The following TAF5L variants were observed in gnomAD, a reference collection of about 807,000 sequenced individuals.
TAF5L encodes the protein TAF5-like RNA polymerase II p300/CBP-associated factor-associated factor 65 kDa subunit 5L.
In TAF5L, 7 loss-of-function variants were observed where a neutral mutation model predicts 51.3. The ratio of observed to expected loss-of-function variants is 0.14; its 90% CI spans 0.08 to 0.26. The LOEUF (loss-of-function observed/expected upper bound fraction) is 0.26. TAF5L is among the 10% of genes least tolerant of loss of function. The probability of loss-of-function intolerance (pLI) is 1.00; values close to 1 mark genes in which losing one functional copy is unlikely to be tolerated. For synonymous variants in TAF5L, 291 were observed against 308.1 expected, an observed-to-expected ratio of 0.94 and a Z score of 0.58; for missense variants, 575 against 758.9, an observed-to-expected ratio of 0.76 and a Z score of 2.85.
chr1:229,625,476 C>T lies in TAF5L; in HGVS notation c.-4+409G>A, dbSNP rs891644485. On this transcript the variant is annotated intron_variant, in intron 1 of 4. Transcript: ENST00000258281. This position sits in a 1 kb window ranked among gnomAD's most constrained non-coding sequence, Gnocchi z 4.0. ...CTTCGCCGCAAAGACATTTCCTTTT[C>T]CCCTACATGCAAAGGAGCTGTGGAG... 2.0e-5 allele frequency among the ~76,000 whole-genome samples: 3 copies of T among 152,202 alleles called. No individual in the cohort carries two copies. The highest frequency in any genetic ancestry group is 4.4e-5 in the Non-Finnish European group (3 of 68,036).
At chr1:229,613,307 G>T (rs1473360344) in intron 2 of TAF5L, among the ~76,000 whole-genome samples, 1 of 145,456 alleles carries the variant, frequency 6.9e-6, no homozygotes, top group Non-Finnish European at 1.5e-5. Flanking sequence ...TCCAGTCTGG[G>T]TGATGGAGAG....
chr1:229,616,015 T>C (rs1664987524), intron 1 of TAF5L, among the ~76,000 whole-genome samples: 1 of 152,108 alleles, frequency 6.6e-6, no homozygotes, highest in Non-Finnish European at 1.5e-5. Context: ...CATTCTTTCA[T>C]TTTGTTTTAT....
intron 1 of TAF5L, among the ~76,000 whole-genome samples, chr1:229,618,955 C>T (rs996574037): frequency 4.6e-5 from 7 of 152,214 alleles, no homozygotes; most frequent in African/African-American, 9.7e-5. Context: ...CAGGCAAACT[C>T]ACTACACAAT....
intron 2 of TAF5L, 146 bp from the exon 3 acceptor site, chr1:229,610,356 T>C (rs1664743227): frequency 1.0e-5 from 7 of 687,696 alleles, no homozygotes; most frequent in South Asian, 7.4e-5. Flanking sequence ...TGCTGGGTCC[T>C]GGTTAAACAT....
At chr1:229,611,552 C>G (rs147389814) in intron 2 of TAF5L, among the ~76,000 whole-genome samples, 17 of 152,266 alleles carry the variant, frequency 1.1e-4, no homozygotes, top group African/African-American at 4.1e-4. Context: ...AAGAGAGGAC[C>G]TGCTGCAAGC....
At chr1:229,600,758 C>T (rs2102742274) in intron 4 of TAF5L, 4 of 985,402 alleles carry the variant, frequency 4.1e-6, no homozygotes, top group Non-Finnish European at 4.8e-6. Flanking sequence ...ATAGGACAAG[C>T]CACAGAGCTA....
rs564942099 is a variant in TAF5L at position 229,622,820 on chromosome 1, G to A, written c.-4+3065C>T. Among the ~76,000 whole-genome samples, 6 of 152,178 alleles carry A rather than the reference G, an allele frequency of 3.9e-5. No homozygotes were observed. In the South Asian group the frequency reaches 1.2e-3, roughly 32 times the overall value. Reference sequence around the variant, plus strand: ...TGTAGAGACGGAGTCTCACTACGCTGCCCAGGTTGATCTCAAACTCCTGTG... The same window carrying A: ...TGTAGAGACGGAGTCTCACTACGCTACCCAGGTTGATCTCAAACTCCTGTG... On this transcript the variant is annotated intron_variant, in intron 1 of 4. Coordinates refer to ENST00000258281, the Ensembl canonical transcript of TAF5L.
intron 4 of TAF5L, 48 bp from the exon 5 acceptor site, chr1:229,595,142 T>G: frequency 6.6e-7 from 1 of 1,522,544 alleles, no homozygotes; most frequent in Non-Finnish European, 8.8e-7. Context: ...ACAAAAAATG[T>G]TCAGTGGTCT....
intron 1 of TAF5L, among the ~76,000 whole-genome samples, chr1:229,619,210 TAA>T (rs1665117681): frequency 6.6e-6 from 1 of 152,214 alleles, no homozygotes; most frequent in African/African-American, 2.4e-5. Context: ...ATCATCATGA[TAA>T]AGTGTATTCA....
At position 229,602,387 on chromosome 1, in the gene TAF5L, G is replaced by A. The variant is rs537102179; in HGVS notation, c.780C>T (p.Cys260=). 6.2e-7 allele frequency: 1 copy of A among 1,614,172 alleles called. No homozygotes were observed. The highest frequency in any genetic ancestry group is 1.3e-5 in the African/African-American group (1 of 75,036). Residue 260 remains cysteine (C), a synonymous_variant, in exon 4 of 5, where the codon TGC becomes TGT. Transcript: ENST00000258281. This position sits in a 1 kb window ranked among gnomAD's most constrained non-coding sequence, Gnocchi z 4.6. ...GCTCTGTGTTATAGAAGGCATAGAA[G>A]CAGATGGTAGTGAGGGAGGGAGGCC...
At chr1:229,596,876 T>C (rs1287426798) in intron 4 of TAF5L, among the ~76,000 whole-genome samples, 1 of 152,202 alleles carries the variant, frequency 6.6e-6, no homozygotes, top group South Asian at 2.1e-4. Context: ...GGGCACCTTT[T>C]TTTTCTACTT....
At chr1:229,608,764 G>A (rs992623484) in intron 3 of TAF5L, among the ~76,000 whole-genome samples, 1 of 152,178 alleles carries the variant, frequency 6.6e-6, no homozygotes, top group Non-Finnish European at 1.5e-5. Flanking sequence ...ACTTTGGGAG[G>A]CCAAGATGGG....
chr1:229,601,943 C>T (rs1664391708), intron 4 of TAF5L: 5 of 1,275,004 alleles, frequency 3.9e-6, no homozygotes, highest in Non-Finnish European at 5.0e-6. Context: ...CTTAGTGTTG[C>T]TATCCACATT....
At chr1:229,620,629 TGA>T (rs1217487775) in intron 1 of TAF5L, among the ~76,000 whole-genome samples, 2 of 152,186 alleles carry the variant, frequency 1.3e-5, no homozygotes, top group Non-Finnish European at 2.9e-5. Flanking sequence ...TTGGAATTCT[TGA>T]GAGTTTATTT....
chr1:229,617,024 G>A (rs2102763249), intron 1 of TAF5L, among the ~76,000 whole-genome samples: 1 of 152,238 alleles, frequency 6.6e-6, no homozygotes, highest in African/African-American at 2.4e-5. Flanking sequence ...AATTTACCTT[G>A]CTTGGGTATG....
chr1:229,606,659 C>T (rs759281438), intron 3 of TAF5L: 11 of 985,292 alleles, frequency 1.1e-5, no homozygotes, highest in Non-Finnish European at 1.3e-5. Context: ...CCTGTCAATC[C>T]TCAAATGCTC....
At chr1:229,610,596 C>A (rs1001231963) in intron 2 of TAF5L, among the ~76,000 whole-genome samples, 5 of 152,200 alleles carry the variant, frequency 3.3e-5, no homozygotes, top group African/African-American at 1.2e-4. Flanking sequence ...CCCTTTCAAT[C>A]TGGAAATTCA....
At chr1:229,597,476 C>T (rs949945174) in intron 4 of TAF5L, among the ~76,000 whole-genome samples, 2 of 152,206 alleles carry the variant, frequency 1.3e-5, no homozygotes, top group African/African-American at 4.8e-5. Flanking sequence ...CTATCACTGT[C>T]AGCCCTCTGC....
chr1:229,622,159 AC>A (rs1665233544), intron 1 of TAF5L, among the ~76,000 whole-genome samples: 1 of 151,552 alleles, frequency 6.6e-6, no homozygotes, highest in East Asian at 1.9e-4. Context: ...ACTTTGTGAT[AC>A]CCCCCACCCC....
Sources: allele counts gnomAD v4.1 joint callset (sites outside exome capture counted in the v4.1 genomes callset), GRCh38; gene constraint gnomAD v4.1.1; non-coding constraint Gnocchi (gnomAD v3.1); transcripts MANE v1.5; gene names NCBI Gene and HGNC (gene_info 2026-07-23, HGNC 2026-07-21).